Variants in SAMD3 observed in about 807,000 individuals in gnomAD.
The protein encoded by SAMD3 is sterile alpha motif domain-containing protein 3.
In SAMD3, 63 loss-of-function variants were observed where a neutral mutation model predicts 58.5. That is an observed-to-expected ratio of 1.08 (90% CI 0.88 to 1.33). The LOEUF (loss-of-function observed/expected upper bound fraction) is 1.33. Ranked by LOEUF, SAMD3 falls within the 40% of genes most tolerant of loss-of-function variation. The pLI is 0.00. For synonymous variants in SAMD3, 220 were observed against 210.3 expected (o/e 1.05, Z -0.40); for missense variants, 604 against 608.4 (o/e 0.99, Z 0.08).
At chr6:130,156,261 C>T (rs762148345) in intron 8 of SAMD3, among the ~76,000 whole-genome samples, 3 of 150,458 alleles carry the variant, frequency 2.0e-5, no homozygotes, top group Admixed American at 1.3e-4. Flanking sequence ...TTGCTTGAAC[C>T]GGGAAGCAGA....
rs1210171947 is a variant in SAMD3 at position 130,157,334 on chromosome 6, G to C, written c.823-2309C>G. ...TATAAAGTTATATACCAAAAACCTA[G>C]AGCTAACATATTTTTTTTTTTTGAG... On this transcript the variant is annotated intron_variant, in intron 8 of 11. Coordinates refer to ENST00000439090, the MANE Select transcript of SAMD3 (RefSeq NM_001017373.4). Among the ~76,000 whole-genome samples the C allele has an allele frequency of 4.5e-5, 5 of 112,342 alleles. No homozygotes were observed. In the Admixed American group the frequency reaches 5.2e-4, roughly 12 times the overall value. 73.7% of individuals were successfully genotyped at this position (112,342 alleles called of 152,430 possible). A position where few individuals can be genotyped will look rare whatever the true frequency, so the allele number is the denominator to read the frequency against.
At chr6:130,185,134 A>G (rs1409921650) in intron 5 of SAMD3, among the ~76,000 whole-genome samples, 2 of 152,162 alleles carry the variant, frequency 1.3e-5, no homozygotes, top group African/African-American at 2.4e-5. Context: ...TAGTTTCCAA[A>G]TTAAATATAA....
intron 1 of SAMD3, among the ~76,000 whole-genome samples, chr6:130,363,514 C>CA: frequency 6.6e-6 from 1 of 152,174 alleles, no homozygotes; most frequent in Middle Eastern, 3.4e-3. Context: ...ATGTTAATTG[C>CA]ATTAAAACAA....
At chr6:130,357,594 T>A (rs909903365) in intron 1 of SAMD3, among the ~76,000 whole-genome samples, 4 of 152,194 alleles carry the variant, frequency 2.6e-5, no homozygotes, top group Admixed American at 1.3e-4. Flanking sequence ...TAGGGGATAA[T>A]GAACATGAAG....
intron 5 of SAMD3, among the ~76,000 whole-genome samples, chr6:130,202,636 T>C (rs921483282): frequency 2.6e-5 from 4 of 152,236 alleles, no homozygotes; most frequent in African/African-American, 9.6e-5. Flanking sequence ...AAATCCTGGG[T>C]TAAACAAAGT....
intron 7 of SAMD3, among the ~76,000 whole-genome samples, chr6:130,181,906 A>T (rs1273874100): frequency 6.6e-6 from 1 of 152,134 alleles, no homozygotes; most frequent in African/African-American, 2.4e-5. Context: ...TCTACTAAAA[A>T]TACAACAAAT....
intron 5 of SAMD3, among the ~76,000 whole-genome samples, chr6:130,193,183 G>A (rs1793714019): frequency 6.6e-6 from 1 of 151,958 alleles, no homozygotes; most frequent in African/African-American, 2.4e-5. Context: ...CACTTTTCTG[G>A]GGGAGGGGCA....
At position 130,201,858 on chromosome 6, in the gene SAMD3, G is replaced by T. The variant is rs185207152; in HGVS notation, c.383+7637C>A. On this transcript the variant is annotated intron_variant, in intron 5 of 11. Coordinates refer to ENST00000439090, the MANE Select transcript of SAMD3 (RefSeq NM_001017373.4). ...GCCTTTCCCTAGAGGCCTTCGCCAC[G>T]CTTACTTCCCAGAAAGTCTTATTTC... is the stretch of plus-strand genomic sequence containing the variant. 6.2e-4 allele frequency among the ~76,000 whole-genome samples: 94 copies of T among 152,242 alleles called. 1 individual carries two copies. Among genetic ancestry groups the T allele is most frequent in the Non-Finnish European group, 1.0e-3 (71 of 68,012 alleles).
At position 130,175,267 on chromosome 6, in the gene SAMD3, T is replaced by C. The variant is rs191054296; in HGVS notation, c.822+574A>G. Among the ~76,000 whole-genome samples the C allele has an allele frequency of 3.3e-3, 498 of 152,252 alleles. 2 individuals are homozygous for C. The highest frequency in any genetic ancestry group is 0.011 in the African/African-American group (457 of 41,558). ...GGAATATATATAGGATCTCAGACAA[T>C]TGGAATTCCCATGACCTCCCAGGTG... On this transcript the variant is annotated intron_variant, in intron 8 of 11. Transcript: ENST00000439090.
intron 2 of SAMD3, among the ~76,000 whole-genome samples, chr6:130,280,998 C>T (rs563649105): frequency 1.3e-5 from 2 of 152,158 alleles, no homozygotes; most frequent in Non-Finnish European, 2.9e-5. Flanking sequence ...TTCTTTCCTA[C>T]ACATATGTGC....
At chr6:130,254,005 T>C (rs1415663884) in intron 2 of SAMD3, among the ~76,000 whole-genome samples, 1 of 151,950 alleles carries the variant, frequency 6.6e-6, no homozygotes, top group Non-Finnish European at 1.5e-5. Flanking sequence ...ACCCATCTTT[T>C]TTTTTGAGAC....
chr6:130,235,757 A>T (rs1402794449), intron 2 of SAMD3, among the ~76,000 whole-genome samples: 1 of 152,184 alleles, frequency 6.6e-6, no homozygotes, highest in Non-Finnish European at 1.5e-5. Context: ...TTTATGTTCA[A>T]ATTATGTAGT....
At chr6:130,220,479 G>A (rs1375066632) in intron 1 of SAMD3, among the ~76,000 whole-genome samples, 2 of 152,202 alleles carry the variant, frequency 1.3e-5, no homozygotes, top group East Asian at 3.8e-4. Context: ...CTCGTTGACA[G>A]CCAAAGCTTA....
chr6:130,310,351 T>G (rs1392994669), intron 2 of SAMD3, among the ~76,000 whole-genome samples: 1 of 152,224 alleles, frequency 6.6e-6, no homozygotes, highest in African/African-American at 2.4e-5. Flanking sequence ...TAAGGAGAAT[T>G]TTTACTGATA....
intron 1 of SAMD3, among the ~76,000 whole-genome samples, chr6:130,323,219 A>G (rs1425373747): frequency 6.6e-6 from 1 of 152,128 alleles, no homozygotes; most frequent in Admixed American, 6.5e-5. Context: ...TCTTTCCCAG[A>G]CCTTGCAAAA....
At chr6:130,302,766 T>C (rs1377428280) in intron 2 of SAMD3, among the ~76,000 whole-genome samples, 1 of 152,142 alleles carries the variant, frequency 6.6e-6, no homozygotes, top group Non-Finnish European at 1.5e-5. Flanking sequence ...AATGAAATAA[T>C]ATTTTTTTGC....
intron 5 of SAMD3, among the ~76,000 whole-genome samples, chr6:130,200,798 C>G (rs1794588369): frequency 6.6e-6 from 1 of 152,060 alleles, no homozygotes; most frequent in Non-Finnish European, 1.5e-5. Flanking sequence ...ACTGTTTAGA[C>G]TGACTCTGTT....
At chr6:130,262,891 T>C (rs780487785) in intron 2 of SAMD3, among the ~76,000 whole-genome samples, 6 of 152,190 alleles carry the variant, frequency 3.9e-5, no homozygotes, top group Non-Finnish European at 7.3e-5. Flanking sequence ...CCAGTTTTTC[T>C]GTAAACTGGA....
chr6:130,362,013 C>T (rs1778002414), intron 1 of SAMD3, among the ~76,000 whole-genome samples: 1 of 152,080 alleles, frequency 6.6e-6, no homozygotes, highest in South Asian at 2.1e-4. Context: ...ATATTTTAGC[C>T]CGGCTGTTCG....
Sources: allele counts gnomAD v4.1 joint callset (sites outside exome capture counted in the v4.1 genomes callset), GRCh38; gene constraint gnomAD v4.1.1; transcripts MANE v1.5; gene names NCBI Gene and HGNC (gene_info 2026-07-23, HGNC 2026-07-21).